SPDYA: variants seen among roughly 807,000 people sequenced by gnomAD.
SPDYA encodes speedy/RINGO cell cycle regulator family member A, also known as speedy protein A.
SPDYA carries 11 observed loss-of-function variants against 36.7 expected under a neutral mutation model. The ratio of observed to expected loss-of-function variants is 0.30; its 90% CI spans 0.19 to 0.50. The LOEUF is 0.50. Ranked by LOEUF, SPDYA falls within the 20% of genes least tolerant of loss-of-function variation. The pLI is 0.98. For synonymous variants in SPDYA, 115 were observed against 118.7 expected (o/e 0.97, Z 0.20); for missense variants, 287 against 370.9 (o/e 0.77, Z 1.86).
At chr2:28,832,675 G>T (rs907468803) in intron 6 of SPDYA, among the ~76,000 whole-genome samples, 2 of 151,918 alleles carry the variant, frequency 1.3e-5, no homozygotes, top group Non-Finnish European at 2.9e-5. Flanking sequence ...AGTTGCTCAG[G>T]CCAAAAAATT....
intron 1 of SPDYA, among the ~76,000 whole-genome samples, chr2:28,814,193 A>G (rs1038058538): frequency 1.3e-5 from 2 of 152,214 alleles, no homozygotes; most frequent in African/African-American, 2.4e-5. Context: ...GAAACTGAAT[A>G]ATTTAATTTT....
chr2:28,819,069 T>G lies in SPDYA; in HGVS notation c.257T>G (p.Phe86Cys). ...KLFDDDLIQD[F>C]LWMDCCCKIA... Reference sequence around the variant, plus strand: ...GTAGATGACGATTTAATTCAAGATTTCTTGTGGATGGACTGCTGCTGTAAA... The same window carrying G: ...GTAGATGACGATTTAATTCAAGATTGCTTGTGGATGGACTGCTGCTGTAAA... Residue 86 changes from phenylalanine to cysteine, a missense_variant, in exon 4 of 8, where the codon TTC becomes TGC. Phe to Cys is a radical substitution (Grantham distance 205, BLOSUM62 -2). Coordinates refer to ENST00000334056, the MANE Select transcript of SPDYA (RefSeq NM_182756.4). The G allele has an allele frequency of 6.2e-7, 1 of 1,611,626 alleles. No individual in the cohort carries two copies. The highest frequency in any genetic ancestry group is 1.1e-5 in the South Asian group (1 of 90,362).
chr2:28,828,408 A>G (rs761584670), intron 5 of SPDYA, among the ~76,000 whole-genome samples: 10 of 152,258 alleles, frequency 6.6e-5, no homozygotes, highest in Admixed American at 2.0e-4. Flanking sequence ...ATTAATCCCA[A>G]TCAGTGTATT....
chr2:28,819,731 C>A (rs1668083623), intron 4 of SPDYA, among the ~76,000 whole-genome samples: 1 of 145,932 alleles, frequency 6.9e-6, no homozygotes, highest in East Asian at 2.0e-4. Flanking sequence ...TGCCTGTAAT[C>A]CCAACACTGT....
chr2:28,839,032 G>A (rs1435508991), intron 6 of SPDYA, among the ~76,000 whole-genome samples: 1 of 152,202 alleles, frequency 6.6e-6, no homozygotes, highest in African/African-American at 2.4e-5. Context: ...TAGCACATAT[G>A]TACAGTTCCC....
rs763071581 is a variant in SPDYA, at chr2:28,811,916, A to G, written c.-93+969A>G. On this transcript the variant is annotated intron_variant, in intron 1 of 7. Transcript: ENST00000334056. The surrounding 1 kb of genome is among the most constrained non-coding windows in gnomAD (Gnocchi z 4.2). The stretch of plus-strand genomic sequence containing the variant: ...GGTGGCAGTGATCCGAGATCGCCTT[A>G]TAGCTGGGGTTAGCTGGTTTTGTTT... 2.6e-5 allele frequency among the ~76,000 whole-genome samples: 4 copies of G among 152,210 alleles called. No individual in the cohort carries two copies. Among genetic ancestry groups the G allele is most frequent in the Non-Finnish European group, 5.9e-5 (4 of 68,034 alleles).
intron 7 of SPDYA, among the ~76,000 whole-genome samples, chr2:28,848,352 C>T (rs1311200185): frequency 2.0e-5 from 3 of 152,176 alleles, no homozygotes; most frequent in African/African-American, 7.2e-5. Context: ...CTTGCATGGC[C>T]TCATCCCCAT....
intron 7 of SPDYA, among the ~76,000 whole-genome samples, chr2:28,848,248 A>C (rs189412971): frequency 6.6e-6 from 1 of 152,310 alleles, no homozygotes; most frequent in Admixed American, 6.5e-5. Context: ...TGATTTTCAA[A>C]ACACAGATCT....
chr2:28,842,817 G>C (rs1368105215), intron 7 of SPDYA, among the ~76,000 whole-genome samples: 2 of 152,142 alleles, frequency 1.3e-5, no homozygotes, highest in Non-Finnish European at 2.9e-5. Context: ...TGGGAGTAGA[G>C]GGGAGAGTGC....
At chr2:28,835,256 C>T (rs1668566958) in intron 6 of SPDYA, among the ~76,000 whole-genome samples, 1 of 146,800 alleles carries the variant, frequency 6.8e-6, no homozygotes, top group African/African-American at 2.5e-5. Flanking sequence ...GACAGAGTTT[C>T]ATTCTGTCAC....
chr2:28,845,883 T>A (rs1668861294), intron 7 of SPDYA, among the ~76,000 whole-genome samples: 1 of 152,144 alleles, frequency 6.6e-6, no homozygotes, highest in South Asian at 2.1e-4. Context: ...CTTATATATG[T>A]ATTACTATGA....
intron 1 of SPDYA, among the ~76,000 whole-genome samples, chr2:28,814,135 T>C (rs6547882): frequency 0.51 from 77,688 of 152,036 alleles, 20,479 homozygotes; most frequent in Middle Eastern, 0.61. Context: ...TGTAGCCCTG[T>C]GCTATCTAAT....
chr2:28,846,856 G>A (rs1428106933), intron 7 of SPDYA, among the ~76,000 whole-genome samples: 2 of 151,780 alleles, frequency 1.3e-5, no homozygotes, highest in Non-Finnish European at 2.9e-5. Context: ...GTGCCAAACA[G>A]AAACAATGTA....
chr2:28,826,189 T>C (rs1242662961), intron 5 of SPDYA, among the ~76,000 whole-genome samples: 1 of 152,166 alleles, frequency 6.6e-6, no homozygotes, highest in Non-Finnish European at 1.5e-5. Flanking sequence ...CAGGCTGGAG[T>C]GCATTGGCAC....
intron 7 of SPDYA, among the ~76,000 whole-genome samples, chr2:28,844,205 A>G (rs1668817920): frequency 6.6e-6 from 1 of 152,236 alleles, no homozygotes; most frequent in African/African-American, 2.4e-5. Context: ...TGTGCTAAGT[A>G]TATGATCAAC....
intron 3 of SPDYA, among the ~76,000 whole-genome samples, chr2:28,816,701 A>G (rs1253190231): frequency 6.6e-6 from 1 of 152,232 alleles, no homozygotes; most frequent in Non-Finnish European, 1.5e-5. Context: ...ACAGTTTGGG[A>G]ACATTGTTAA....
intron 2 of SPDYA, among the ~76,000 whole-genome samples, chr2:28,815,217 G>C (rs1350505843): frequency 6.6e-6 from 1 of 151,588 alleles, no homozygotes; most frequent in African/African-American, 2.4e-5. Flanking sequence ...AGGAGGTCGA[G>C]GCTGCAGTGA....
intron 2 of SPDYA, 126 bp from the exon 3 acceptor site, chr2:28,815,871 C>A (rs1667970587): frequency 1.6e-6 from 1 of 625,766 alleles, no homozygotes; most frequent in South Asian, 2.4e-5. Context: ...GTCACTGTCA[C>A]AAATAACATT....
At chr2:28,835,053 G>GTTTGT (rs1197596631) in intron 6 of SPDYA, among the ~76,000 whole-genome samples, 3 of 151,946 alleles carry the variant, frequency 2.0e-5, no homozygotes, top group South Asian at 4.2e-4. Context: ...TTTTGCATTT[G>GTTTGT]TTTGTTTTGT....
Sources: allele counts gnomAD v4.1 joint callset (sites outside exome capture counted in the v4.1 genomes callset), GRCh38; gene constraint gnomAD v4.1.1; non-coding constraint Gnocchi (gnomAD v3.1); transcripts MANE v1.5; gene names NCBI Gene and HGNC (gene_info 2026-07-23, HGNC 2026-07-21).